Variants in GOLGB1 observed in about 807,000 individuals in gnomAD.
GOLGB1 encodes the protein golgin B1, also known as golgin subfamily B member 1.
GOLGB1 carries 174 observed loss-of-function variants against 336.9 expected under a neutral mutation model. The observed-to-expected ratio is 0.52, with a 90% CI of 0.46 to 0.59. GOLGB1 has a LOEUF of 0.59. GOLGB1 is among the 20% of genes least tolerant of loss of function. GOLGB1 has a pLI of 0.00. For synonymous variants in GOLGB1, 1,208 were observed against 1,289.2 expected, an observed-to-expected ratio of 0.94 and a Z score of 1.35; for missense variants, 3,331 against 3,645.3, an observed-to-expected ratio of 0.91 and a Z score of 2.22.
At chr3:121,727,071 T>TA (rs757307575) in intron 4 of GOLGB1, 30 bp from the exon 5 acceptor site, 14 of 1,323,472 alleles carry the variant, frequency 1.1e-5, no homozygotes, top group Admixed American at 8.7e-5. Flanking sequence ...AGTCATTATT[T>TA]AAAAGAATTA....
chr3:121,739,578 A>C (rs1946712094), intron 1 of GOLGB1, among the ~76,000 whole-genome samples: 1 of 152,134 alleles, frequency 6.6e-6, no homozygotes, highest in Admixed American at 6.5e-5. Flanking sequence ...AGGAACAAGA[A>C]AATGAGTAAA....
chr3:121,694,549 G>A lies in GOLGB1; in HGVS notation c.5974C>T (p.Arg1992Ter), dbSNP rs1245400615. 8 of 1,612,048 alleles carry A rather than the reference G, an allele frequency of 5.0e-6. No individual in the cohort carries two copies. Among genetic ancestry groups the A allele is most frequent in the South Asian group, 2.2e-5 (2 of 91,038 alleles). Residue 1992 changes from arginine to a stop codon, truncating the protein, a stop_gained, in exon 13 of 22, where the codon CGA (arginine) becomes TGA (stop). Transcript: ENST00000614479. LOFTEE classifies it high-confidence loss of function. ...KEKTKVESEI[R>*]KEYLEKIQGA... Reference sequence around the variant, plus strand: ...TGTATTTTCTCCAAATATTCCTTTCGTATTTCTGATTCCACCTTAGTTTTT... The same window carrying A: ...TGTATTTTCTCCAAATATTCCTTTCATATTTCTGATTCCACCTTAGTTTTT...
In GOLGB1 at chr3:121,697,199, A is replaced by C; in HGVS notation, c.3324T>G (p.Asp1108Glu). 6.2e-7 allele frequency: 1 copy of C among 1,613,964 alleles called. No homozygotes were observed. Among genetic ancestry groups the C allele is most frequent in the Non-Finnish European group, 8.5e-7 (1 of 1,179,974 alleles). Residue 1108 changes from aspartate to glutamate, a missense_variant, in exon 13 of 22, where the codon GAT becomes GAG. Physicochemically the swap from Asp to Glu is conservative, Grantham distance 45. Coordinates refer to ENST00000614479, the MANE Select transcript of GOLGB1 (RefSeq NM_001366282.2). ...GGAGCAAATCTATTTGGTTTGTTTT[A>C]TCTTGCAAGGTCTGATTCATCTGTT... Reference protein sequence around the residue: ...LVKQMNQTLQDKTNQIDLLQA... With the variant: ...LVKQMNQTLQEKTNQIDLLQA...
At position 121,677,315 on chromosome 3, in the gene GOLGB1, A is replaced by C; in HGVS notation, c.9009T>G (p.Thr3003=). The C allele has an allele frequency of 6.2e-7, 1 of 1,611,660 alleles. No homozygotes were observed. The highest frequency in any genetic ancestry group is 8.5e-7 in the Non-Finnish European group (1 of 1,178,128). Residue 3003 remains threonine (T), a synonymous_variant, in exon 16 of 22, where the codon ACT becomes ACG. Coordinates refer to ENST00000614479, the MANE Select transcript of GOLGB1 (RefSeq NM_001366282.2). ...IRELRSSSSQ[T]QPLKVQYQRQ... ...TTTGGTATTGCACTTTGAGAGGCTG[A>C]GTCTGGGAGGAAGAAGACCTCAATT...
intron 13 of GOLGB1, 38 bp downstream of exon 13, chr3:121,693,703 G>T: frequency 6.9e-7 from 1 of 1,453,786 alleles, no homozygotes. Flanking sequence ...TTTGCTTGAA[G>T]TTACCTCTGG....
intron 13 of GOLGB1, 64 bp downstream of exon 13, chr3:121,693,677 T>C (rs1284843412): frequency 3.5e-6 from 4 of 1,153,008 alleles, no homozygotes; most frequent in South Asian, 1.5e-5. Context: ...GAAACAGAAA[T>C]AGTTTAGAGA....
At chr3:121,727,281 TAC>T (rs143434684) in intron 4 of GOLGB1, among the ~76,000 whole-genome samples, 1,068 of 97,868 alleles carry the variant, frequency 0.011, 15 homozygotes, top group Non-Finnish European at 0.016. Flanking sequence ...GTGAAATACA[TAC>T]ACACACACAC....
chr3:121,716,906 C>T lies in GOLGB1; in HGVS notation c.1119G>A (p.Gln373=). 1.2e-6 allele frequency: 2 copies of T among 1,613,698 alleles called. No individual in the cohort carries two copies. Among genetic ancestry groups the T allele is most frequent in the East Asian group, 2.2e-5 (1 of 44,876 alleles). The change falls in exon 9 of 22, where the codon CAG becomes CAA. Residue 373 remains glutamine (Q), a synonymous_variant. Transcript: ENST00000614479. ...TCTCTTCCATTTCTGCTTTGTGCTT[C>T]TGCTCCAAAGCACTATACCGAGACT... The part of the protein sequence containing the change: ...ELESRYSALE[Q]KHKAEMEEKT...
chr3:121,745,567 T>C (rs1443022741), intron 1 of GOLGB1, among the ~76,000 whole-genome samples: 1 of 151,960 alleles, frequency 6.6e-6, no homozygotes, highest in East Asian at 1.9e-4. Flanking sequence ...CGTGTATGTA[T>C]ATGTATACAT....
At chr3:121,749,610 T>C (rs1947621964) in intron 1 of GOLGB1, 22 bp downstream of exon 1, 1 of 150,450 alleles carries the variant, frequency 6.6e-6, no homozygotes, top group Admixed American at 6.6e-5. Flanking sequence ...GAGGGAAGAG[T>C]TGGGTAGCGT....
intron 1 of GOLGB1, 80 bp from the exon 2 acceptor site, chr3:121,731,053 T>A (rs944133419): frequency 7.3e-7 from 1 of 1,370,766 alleles, no homozygotes; most frequent in Admixed American, 2.1e-5. Context: ...AACCATATCA[T>A]CCGTGAATGA....
chr3:121,738,282 T>G (rs914582962), intron 1 of GOLGB1, among the ~76,000 whole-genome samples: 2 of 152,230 alleles, frequency 1.3e-5, no homozygotes, highest in African/African-American at 4.8e-5. Flanking sequence ...GATGGGATTC[T>G]GAGAAGATGG....
rs1943132877 is a variant in GOLGB1 at position 121,698,459 on chromosome 3, C to T, written c.2064G>A (p.Gln688=). 2 of 1,613,762 alleles carry T rather than the reference C, an allele frequency of 1.2e-6. No individual in the cohort carries two copies. The highest frequency in any genetic ancestry group is 2.2e-5 in the East Asian group (1 of 44,884). Residue 688 remains glutamine, a synonymous_variant, in exon 13 of 22, where the codon CAG becomes CAA. Coordinates refer to ENST00000614479, the MANE Select transcript of GOLGB1 (RefSeq NM_001366282.2). ...GACTTTTTAACCTTTCCAACTCATC[C>T]TGATGACACTGACCAATATCTGGTA... The part of the protein sequence containing the change: ...SAVPDIGQCH[Q]DELERLKSQI...
Position 121,681,843 on chromosome 3 carries a change from T to C in GOLGB1, c.8717A>G (p.Gln2906Arg). ...DRLLKELKNL[Q>R]QQYLQINQEI... ...TTGATTAATCTGTAAGTATTGCTGC[T>C]GCAGATTCTTCAATTCCTTCAGCTT... Residue 2906 changes from glutamine (Q) to arginine (R), a missense_variant, in exon 15 of 22, where the codon CAG becomes CGG. By Grantham distance (43) the Gln-to-Arg change is conservative (BLOSUM62 1). Transcript: ENST00000614479. The C allele has an allele frequency of 6.2e-7, 1 of 1,604,300 alleles. No individual in the cohort carries two copies. The highest frequency in any genetic ancestry group is 2.2e-5 in the East Asian group (1 of 44,826).
At chr3:121,748,562 T>C (rs536005828) in intron 1 of GOLGB1, among the ~76,000 whole-genome samples, 1 of 152,344 alleles carries the variant, frequency 6.6e-6, no homozygotes, top group East Asian at 1.9e-4. Flanking sequence ...TTCCTGCATC[T>C]ATTCCAAAAC....
At chr3:121,693,124 G>A (rs1329923943) in intron 13 of GOLGB1, among the ~76,000 whole-genome samples, 2 of 152,130 alleles carry the variant, frequency 1.3e-5, no homozygotes, top group South Asian at 4.2e-4. Flanking sequence ...AAGAAAAGAC[G>A]AGACTAGACA....
At chr3:121,735,398 G>A (rs887621170) in intron 1 of GOLGB1, among the ~76,000 whole-genome samples, 4 of 152,076 alleles carry the variant, frequency 2.6e-5, no homozygotes, top group African/African-American at 9.7e-5. Flanking sequence ...GAAGGAGATG[G>A]GGCTAACCTA....
chr3:121,664,964 C>T lies in GOLGB1; in HGVS notation c.9622G>A (p.Ala3208Thr), dbSNP rs763839374. 19 of 1,609,894 alleles carry T rather than the reference C, an allele frequency of 1.2e-5. No individual in the cohort carries two copies. The highest frequency in any genetic ancestry group is 1.6e-5 in the Non-Finnish European group (19 of 1,176,122). The change falls in exon 21 of 22, where the codon GCA becomes ACA. Residue 3208 changes from alanine (A) to threonine (T), a missense_variant. Coordinates refer to ENST00000614479, the MANE Select transcript of GOLGB1 (RefSeq NM_001366282.2). ...TTGCTTGTAAGATCTATTAACAGTG[C>T]CTGCTCCTGAGTGCCACAGGAGCCA... ...IIGSCGTQEQALLIDLTSNSC... is the reference protein window; with the variant it reads ...IIGSCGTQEQTLLIDLTSNSC...
At chr3:121,675,123 A>G (rs1393992489) in intron 17 of GOLGB1, among the ~76,000 whole-genome samples, 1 of 152,158 alleles carries the variant, frequency 6.6e-6, no homozygotes, top group Non-Finnish European at 1.5e-5. Context: ...GGCGTGAGCC[A>G]CCGCGCCCGG....
Sources: gnomAD v4.1 joint callset for allele counts (sites outside exome capture counted in the v4.1 genomes callset) on GRCh38, gnomAD v4.1.1 for gene constraint, MANE v1.5 for transcripts, NCBI Gene and HGNC (gene_info 2026-07-23, HGNC 2026-07-21) for gene names.